The following ANKRD55 variants were observed in gnomAD, a reference collection of about 807,000 sequenced individuals.
ANKRD55 encodes ankyrin repeat domain-containing protein 55.
In ANKRD55, 41 loss-of-function variants were observed where a neutral mutation model predicts 60.6. That is an observed-to-expected ratio of 0.68 (90% CI 0.53 to 0.88). The LOEUF (loss-of-function observed/expected upper bound fraction) is 0.88, where lower values mean the gene tolerates loss of function less well. ANKRD55 is among the 40% of genes least tolerant of loss of function. The pLI is 0.00. For synonymous variants in ANKRD55, 264 were observed against 290.3 expected, an observed-to-expected ratio of 0.91 and a Z score of 0.92; for missense variants, 732 against 767.6, an observed-to-expected ratio of 0.95 and a Z score of 0.55.
chr5:56,184,620 AGGCATGATGGCTCAGATCT>A (rs925803309), intron 2 of ANKRD55, among the ~76,000 whole-genome samples: 1 of 152,222 alleles, frequency 6.6e-6, no homozygotes, highest in African/African-American at 2.4e-5. Flanking sequence ...ACATCAGGCC[AGGCATGATGGCTCAGATCT>A]GTAATCTCAG....
intron 8 of ANKRD55, among the ~76,000 whole-genome samples, chr5:56,120,830 C>A (rs559946534): frequency 6.9e-6 from 1 of 144,178 alleles, no homozygotes; most frequent in South Asian, 2.2e-4. Flanking sequence ...ACCTGGGAGG[C>A]AGAGGTTGCA....
At chr5:56,228,972 C>T (rs1471290706) in intron 2 of ANKRD55, among the ~76,000 whole-genome samples, 2 of 152,160 alleles carry the variant, frequency 1.3e-5, no homozygotes, top group Non-Finnish European at 2.9e-5. Flanking sequence ...CGCTCAGCCT[C>T]GTCAGGCATA....
chr5:56,232,358 C>T (rs970126709), intron 2 of ANKRD55, among the ~76,000 whole-genome samples: 1 of 151,740 alleles, frequency 6.6e-6, no homozygotes, highest in African/African-American at 2.4e-5. Context: ...CATATCAACC[C>T]GACATAAATA....
At chr5:56,125,817 G>A (rs1443534897) in intron 8 of ANKRD55, 1 of 152,090 alleles carries the variant, frequency 6.6e-6, no homozygotes, top group Non-Finnish European at 1.5e-5. Context: ...GGAGTAGGAG[G>A]TGCTTTCTTG....
At chr5:56,206,332 C>T (rs1331577221) in intron 2 of ANKRD55, among the ~76,000 whole-genome samples, 1 of 152,112 alleles carries the variant, frequency 6.6e-6, no homozygotes, top group Admixed American at 6.5e-5. Flanking sequence ...TTTACTGACC[C>T]TTTAAAGTGT....
In ANKRD55 at chr5:56,166,154, C is replaced by CTTTCT. The variant is rs11283204; in HGVS notation, c.422+4539_422+4540insAGAAA. On this transcript the variant is annotated intron_variant, in intron 5 of 11. Coordinates refer to ENST00000341048, the MANE Select transcript of ANKRD55 (RefSeq NM_024669.3). ...TCTTTCTTTCTTTCTTTCTTTCTTTCTTCTTTCCTTCCTTCCTTCCTTCCT... is the reference window on the plus strand; with the variant it reads ...TCTTTCTTTCTTTCTTTCTTTCTTTCTTTCTTTCTTTCCTTCCTTCCTTCCTTCCT... 1.9e-3 allele frequency among the ~76,000 whole-genome samples: 135 copies of CTTTCT among 71,500 alleles called. 7 individuals are homozygous for CTTTCT. The highest frequency in any genetic ancestry group is 4.0e-3 in the African/African-American group (55 of 13,604). 46.9% of individuals were successfully genotyped at this position (71,500 alleles called of 152,430 possible). A position where few individuals can be genotyped will look rare whatever the true frequency, so the allele number is the denominator to read the frequency against.
Position 56,151,827 on chromosome 5 carries a change from C to A in ANKRD55, c.484-7898G>T, listed in dbSNP as rs200041426. ...GACCACATCTCGGAAAAAAAAAAAT[C>A]TATATATATATATGTGTGTGTGTAT... On this transcript the variant is annotated intron_variant, in intron 6 of 11. Coordinates refer to ENST00000341048, the MANE Select transcript of ANKRD55 (RefSeq NM_024669.3). 3.2e-3 allele frequency among the ~76,000 whole-genome samples: 463 copies of A among 144,510 alleles called. 3 individuals are homozygous for A. The highest frequency in any genetic ancestry group is 0.01 in the African/African-American group (400 of 38,960). 94.8% of individuals were successfully genotyped at this position (144,510 alleles called of 152,430 possible). A position where few individuals can be genotyped will look rare whatever the true frequency, so the allele number is the denominator to read the frequency against.
At chr5:56,166,925 G>A (rs1323972183) in intron 5 of ANKRD55, among the ~76,000 whole-genome samples, 2 of 152,140 alleles carry the variant, frequency 1.3e-5, no homozygotes, top group Non-Finnish European at 2.9e-5. Flanking sequence ...GCTTCTCAAC[G>A]GAGACCAAGG....
rs1580969142 is a variant in ANKRD55, at chr5:56,135,278, C to CTTG, written c.613-8173_613-8172insCAA. 1.1e-3 allele frequency among the ~76,000 whole-genome samples: 82 copies of CTTG among 77,032 alleles called. 1 individual carries two copies. Among genetic ancestry groups the CTTG allele is most frequent in the African/African-American group, 3.5e-3 (64 of 18,450 alleles). The allele number at this position is 77,032 out of a possible 152,430, so 50.5% of individuals were successfully genotyped here. ...TCCTTCCTTCTTTCCCTCCCTCCCT[C>CTTG]CCTGCCTGCCTGCTTGCTTTCTTTC... On this transcript the variant is annotated intron_variant, in intron 7 of 11. Transcript: ENST00000341048.
At chr5:56,127,754 G>T in intron 7 of ANKRD55, 1 of 179,850 alleles carries the variant, frequency 5.6e-6, no homozygotes, top group Non-Finnish European at 1.1e-5. Flanking sequence ...TATGCCTTAA[G>T]CACAGGGTCC....
rs1463068132 is a variant in ANKRD55, at chr5:56,142,258, C to T, written c.612+1543G>A. Reference sequence around the variant, plus strand: ...CAGGAGAATTGCTTGAACCAGGACCCGGGAGGTGGAGGTTGCAGTGAGCTG... The same window carrying T: ...CAGGAGAATTGCTTGAACCAGGACCTGGGAGGTGGAGGTTGCAGTGAGCTG... On this transcript the variant is annotated intron_variant, in intron 7 of 11. Transcript: ENST00000341048. Among the ~76,000 whole-genome samples, 8 of 151,954 alleles carry T rather than the reference C, an allele frequency of 5.3e-5. No individual in the cohort carries two copies. In the East Asian group the frequency reaches 1.2e-3, roughly 22 times the overall value.
At chr5:56,170,451 T>C (rs926754977) in intron 5 of ANKRD55, among the ~76,000 whole-genome samples, 1 of 152,156 alleles carries the variant, frequency 6.6e-6, no homozygotes, top group African/African-American at 2.4e-5. Context: ...ATATGAATTC[T>C]GATAATGACA....
intron 7 of ANKRD55, among the ~76,000 whole-genome samples, chr5:56,133,162 C>T (rs555480804): frequency 2.0e-5 from 3 of 152,208 alleles, no homozygotes; most frequent in Admixed American, 6.5e-5. Context: ...ATTAATTGGC[C>T]GGGCACGATG....
chr5:56,205,845 C>T (rs985171125), intron 2 of ANKRD55, among the ~76,000 whole-genome samples: 1 of 152,100 alleles, frequency 6.6e-6, no homozygotes, highest in African/African-American at 2.4e-5. Flanking sequence ...CCCTGCAGTC[C>T]CTGAGCTTTG....
At chr5:56,167,323 G>A (rs1005390051) in intron 5 of ANKRD55, among the ~76,000 whole-genome samples, 7 of 152,210 alleles carry the variant, frequency 4.6e-5, no homozygotes, top group Non-Finnish European at 7.3e-5. Flanking sequence ...GACACTGTAG[G>A]CAATTGTAAC....
At chr5:56,196,831 A>G (rs1759238557) in intron 2 of ANKRD55, among the ~76,000 whole-genome samples, 1 of 152,162 alleles carries the variant, frequency 6.6e-6, no homozygotes, top group African/African-American at 2.4e-5. Flanking sequence ...GCCCAAGAGT[A>G]TATGCATTCT....
At chr5:56,199,672 C>A (rs973599571) in intron 2 of ANKRD55, among the ~76,000 whole-genome samples, 1 of 151,700 alleles carries the variant, frequency 6.6e-6, no homozygotes, top group Non-Finnish European at 1.5e-5. Flanking sequence ...GGGCGGATCA[C>A]AAGGTCAGGA....
chr5:56,169,306 G>A (rs182612239), intron 5 of ANKRD55, among the ~76,000 whole-genome samples: 47 of 152,290 alleles, frequency 3.1e-4, no homozygotes, highest in Admixed American at 2.5e-3. Context: ...GCAAGTAAAA[G>A]CAATTACGTA....
rs754266953 is a variant in ANKRD55, at chr5:56,166,086, TTTTCTTTC to T, written c.422+4600_422+4607del. On this transcript the variant is annotated intron_variant, in intron 5 of 11. Coordinates refer to ENST00000341048, the MANE Select transcript of ANKRD55 (RefSeq NM_024669.3). ...CACCCTTCAGGGATCTTTCTTTTCT[TTTTCTTTC>T]TTTCTTTCTTTCTTTCTTTCTTTCT... Among the ~76,000 whole-genome samples the T allele has an allele frequency of 8.2e-4, 75 of 91,830 alleles. 1 individual carries two copies. The highest frequency in any genetic ancestry group is 2.3e-3 in the South Asian group (6 of 2,642). 60.2% of individuals were successfully genotyped at this position (91,830 alleles called of 152,430 possible).
Sources: gnomAD v4.1 joint callset for allele counts (sites outside exome capture counted in the v4.1 genomes callset) on GRCh38, gnomAD v4.1.1 for gene constraint, MANE v1.5 for transcripts, NCBI Gene and HGNC (gene_info 2026-07-23, HGNC 2026-07-21) for gene names.